EML4: variants seen among roughly 807,000 people sequenced by gnomAD.
EML4 encodes the protein EMAP like 4.
In EML4, 72 loss-of-function variants were observed where a neutral mutation model predicts 129.0. The observed-to-expected ratio is 0.56, with a 90% CI of 0.46 to 0.68. The LOEUF is 0.68. Ranked by LOEUF, EML4 falls within the 30% of genes least tolerant of loss-of-function variation. The probability of loss-of-function intolerance (pLI) is 0.00; values close to 1 mark genes in which losing one functional copy is unlikely to be tolerated. For synonymous variants in EML4, 532 were observed against 405.0 expected (o/e 1.31, Z -3.77); for missense variants, 1,363 against 1,190.6 (o/e 1.14, Z -2.13).
intron 1 of EML4, among the ~76,000 whole-genome samples, chr2:42,209,305 C>G (rs1453885603): frequency 1.3e-5 from 2 of 152,120 alleles, no homozygotes; most frequent in East Asian, 3.8e-4. Flanking sequence ...TCTTTCAATA[C>G]CCATCTTTTT....
chr2:42,288,233 G>A lies in EML4; in HGVS notation c.1129G>A (p.Gly377Ser). Reference protein sequence around the residue: ...GCLDFSKADSGVHLCIIDDSN... With the variant: ...GCLDFSKADSSVHLCIIDDSN... ...CTGATTGACTTTTCTTTAGGATTCAGGTGTTCATTTATGTATTATTGATGA... is the reference window on the plus strand; with the variant it reads ...CTGATTGACTTTTCTTTAGGATTCAAGTGTTCATTTATGTATTATTGATGA... The change falls in exon 11 of 23, where the codon GGT (glycine) becomes AGT (serine). Residue 377 changes from glycine to serine, a missense_variant. Coordinates refer to ENST00000318522, the MANE Select transcript of EML4 (RefSeq NM_019063.5). 1 of 1,401,268 alleles carries A rather than the reference G, an allele frequency of 7.1e-7. No individual in the cohort carries two copies. Among genetic ancestry groups the A allele is most frequent in the Non-Finnish European group, 9.9e-7 (1 of 1,011,688 alleles). The allele number at this position is 1,401,268 out of a possible 1,614,324, so 86.8% of individuals were successfully genotyped here. A position where few individuals can be genotyped will look rare whatever the true frequency, so the allele number is the denominator to read the frequency against.
At chr2:42,329,343 A>G (rs1669975018) in intron 22 of EML4, among the ~76,000 whole-genome samples, 1 of 152,238 alleles carries the variant, frequency 6.6e-6, no homozygotes, top group African/African-American at 2.4e-5. Flanking sequence ...TACATATTCA[A>G]CGTTATAAAA....
rs963297035 is a variant in EML4, at chr2:42,231,565, A to C, written c.26-13940A>C. Among the ~76,000 whole-genome samples, 7 of 152,312 alleles carry C rather than the reference A, an allele frequency of 4.6e-5. No individual in the cohort carries two copies. In the East Asian group the frequency reaches 1.3e-3, roughly 29 times the overall value. ...GAACCATTTATTCAGTCATCCAAAT[A>C]GAAAAACAGGGATCTTCCTGTACTT... On this transcript the variant is annotated intron_variant, in intron 1 of 22. Coordinates refer to ENST00000318522, the MANE Select transcript of EML4 (RefSeq NM_019063.5).
chr2:42,226,928 C>G (rs1471554431), intron 1 of EML4, among the ~76,000 whole-genome samples: 3 of 151,948 alleles, frequency 2.0e-5, no homozygotes, highest in African/African-American at 7.3e-5. Flanking sequence ...CTGCTTACTT[C>G]TAGAAATATA....
chr2:42,289,731 A>AT (rs1558578990), intron 11 of EML4: 1 of 151,944 alleles, frequency 6.6e-6, no homozygotes, highest in African/African-American at 2.4e-5. Context: ...AAATATCTGC[A>AT]TTATAGCACT....
chr2:42,296,250 G>A (rs966409870), intron 13 of EML4, among the ~76,000 whole-genome samples: 1 of 152,026 alleles, frequency 6.6e-6, no homozygotes, highest in Non-Finnish European at 1.5e-5. Context: ...AAAACCAGTG[G>A]GCCAGGAGAA....
At chr2:42,241,956 T>A (rs1417155875) in intron 1 of EML4, among the ~76,000 whole-genome samples, 1 of 152,184 alleles carries the variant, frequency 6.6e-6, no homozygotes, top group Non-Finnish European at 1.5e-5. Context: ...GTTATGCCCT[T>A]TGAAAAATTG....
intron 1 of EML4, among the ~76,000 whole-genome samples, chr2:42,214,514 G>A: frequency 6.6e-6 from 1 of 151,850 alleles, no homozygotes; most frequent in Non-Finnish European, 1.5e-5. Context: ...TAAATATTTA[G>A]TGATTAATAT....
chr2:42,202,692 T>A (rs923839159), intron 1 of EML4, among the ~76,000 whole-genome samples: 2 of 152,180 alleles, frequency 1.3e-5, no homozygotes, highest in African/African-American at 4.8e-5. Flanking sequence ...GCTTTTATTC[T>A]GGCTGTGCTG....
intron 16 of EML4, 58 bp downstream of exon 16, chr2:42,303,504 T>C: frequency 6.3e-7 from 1 of 1,575,892 alleles, no homozygotes; most frequent in Non-Finnish European, 8.7e-7. Flanking sequence ...ACACTGGCAG[T>C]TGAGAGCAGC....
rs1671026232 is a variant in EML4, at chr2:42,182,850, A to G, written c.25+13214A>G. 2.0e-5 allele frequency among the ~76,000 whole-genome samples: 3 copies of G among 152,160 alleles called. No individual in the cohort carries two copies. In the South Asian group the frequency reaches 6.2e-4, roughly 32 times the overall value. On this transcript the variant is annotated intron_variant, in intron 1 of 22. Coordinates refer to ENST00000318522, the MANE Select transcript of EML4 (RefSeq NM_019063.5). The stretch of plus-strand genomic sequence containing the variant: ...TACAACACCTTCCTCCCTAGCTTGT[A>G]GGTTGCCATCTTCTGTGTCCTCATG...
rs369448526 is a variant in EML4, at chr2:42,263,240, G to A, written c.575G>A (p.Arg192His). ...TCTTGGGAAAATTCAGATGATAGCC[G>A]TAATAAATTGTCGAAAATACCTTCA... ...HNSWENSDDS[R>H]NKLSKIPSTP... Residue 192 changes from arginine (R) to histidine (H), a missense_variant, in exon 5 of 23, where the codon CGT (arginine) becomes CAT (histidine). Transcript: ENST00000318522. 1.4e-4 allele frequency: 226 copies of A among 1,612,866 alleles called. No homozygotes were observed. Among genetic ancestry groups the A allele is most frequent in the Non-Finnish European group, 1.6e-4 (194 of 1,179,370 alleles).
intron 1 of EML4, among the ~76,000 whole-genome samples, chr2:42,238,223 T>C (rs1399955312): frequency 6.6e-6 from 1 of 152,202 alleles, no homozygotes; most frequent in Non-Finnish European, 1.5e-5. Context: ...CCTGAAACAC[T>C]TCTGGTACCA....
chr2:42,252,647 C>T (rs561033575), intron 2 of EML4, among the ~76,000 whole-genome samples: 1 of 152,282 alleles, frequency 6.6e-6, no homozygotes, highest in South Asian at 2.1e-4. Context: ...TGTCTCCCCA[C>T]CACCACCCAC....
chr2:42,184,550 G>A (rs72978874), intron 1 of EML4, among the ~76,000 whole-genome samples: 3,575 of 151,830 alleles, frequency 0.024, 134 homozygotes, highest in African/African-American at 0.08. Context: ...CCCTTACTGC[G>A]CCCCCTACAT....
At chr2:42,195,955 G>A (rs1218501235) in intron 1 of EML4, among the ~76,000 whole-genome samples, 1 of 152,000 alleles carries the variant, frequency 6.6e-6, no homozygotes, top group East Asian at 1.9e-4. Context: ...CTTTTTCATG[G>A]CAGACAAATA....
rs183824262 is a variant in EML4, at chr2:42,273,846, A to G, written c.668-7004A>G. Among the ~76,000 whole-genome samples the G allele has an allele frequency of 2.6e-5, 4 of 152,308 alleles. No homozygotes were observed. In the East Asian group the frequency reaches 7.7e-4, roughly 29 times the overall value. ...TACATTTTATGATTTAACTATTTTT[A>G]CAGCTAGATCATTGAAAGGGGGCAA... On this transcript the variant is annotated intron_variant, in intron 6 of 22. Coordinates refer to ENST00000318522, the MANE Select transcript of EML4 (RefSeq NM_019063.5).
At position 42,282,844 on chromosome 2, in the gene EML4, CT is replaced by C; in HGVS notation, c.814del (p.Cys272ValfsTer13). 3 of 1,612,998 alleles carry C rather than the reference CT, an allele frequency of 1.9e-6. No homozygotes were observed. Among genetic ancestry groups the C allele is most frequent in the Non-Finnish European group, 1.7e-6 (2 of 1,179,194 alleles). ...TAAGATATGGTTATCGAGGAAAGGA[CT>C]GTAGAGCTAATGTTTACCTTCTTCC... ...EWAYGYRGKD[C>X]RANVYLLPTG... On this transcript the variant is annotated frameshift_variant, in exon 8 of 23. Coordinates refer to ENST00000318522, the MANE Select transcript of EML4 (RefSeq NM_019063.5). LOFTEE classifies it high-confidence loss of function.
intron 2 of EML4, among the ~76,000 whole-genome samples, chr2:42,248,147 TC>T (rs1354306021): frequency 6.6e-6 from 1 of 152,070 alleles, no homozygotes; most frequent in Admixed American, 6.6e-5. Flanking sequence ...TAAAACCTTT[TC>T]TTTTTTTTGT....
Sources: allele counts gnomAD v4.1 joint callset (sites outside exome capture counted in the v4.1 genomes callset), GRCh38; gene constraint gnomAD v4.1.1; transcripts MANE v1.5; gene names NCBI Gene and HGNC (gene_info 2026-07-23, HGNC 2026-07-21).